Variants in CPHXL observed in about 807,000 individuals in gnomAD.
The protein encoded by CPHXL is cytoplasmic polyadenylated homeobox like.
intron 1 of CPHXL, among the ~76,000 whole-genome samples, chr16:75,719,312 T>C (rs1194835359): frequency 6.6e-6 from 1 of 152,146 alleles, no homozygotes; most frequent in Admixed American, 6.5e-5. Context: ...AGGCATCGCC[T>C]CACTTGGGAA....
chr16:75,723,058 T>C (rs1278797779), intron 1 of CPHXL, among the ~76,000 whole-genome samples: 1 of 152,212 alleles, frequency 6.6e-6, no homozygotes, highest in Non-Finnish European at 1.5e-5. Context: ...CACTCCTTCA[T>C]GCTAAAAACT....
intron 1 of CPHXL, among the ~76,000 whole-genome samples, chr16:75,719,757 G>A (rs768431048): frequency 2.0e-5 from 3 of 152,010 alleles, no homozygotes; most frequent in Non-Finnish European, 4.4e-5. Flanking sequence ...AGAGAGTAGC[G>A]GTTCTCCCAG....
At chr16:75,716,686 T>C (rs771695441) in intron 2 of CPHXL, among the ~76,000 whole-genome samples, 122 of 152,284 alleles carry the variant, frequency 8.0e-4, no homozygotes, top group Non-Finnish European at 1.6e-3. Flanking sequence ...CCATTGGCTA[T>C]TGGTGATCAA....
At chr16:75,716,734 G>C (rs1013989075) in intron 2 of CPHXL, among the ~76,000 whole-genome samples, 2 of 152,170 alleles carry the variant, frequency 1.3e-5, no homozygotes, top group Non-Finnish European at 2.9e-5. Context: ...AGAAGTTGGA[G>C]GGTGGGGTTG....
At chr16:75,724,184 T>C (rs2151840355) in intron 1 of CPHXL, among the ~76,000 whole-genome samples, 1 of 152,270 alleles carries the variant, frequency 6.6e-6, no homozygotes, top group East Asian at 1.9e-4. Context: ...GAAGAAAACC[T>C]AGGCAATACC....
At chr16:75,722,813 A>G (rs1358192953) in intron 1 of CPHXL, among the ~76,000 whole-genome samples, 1 of 152,212 alleles carries the variant, frequency 6.6e-6, no homozygotes, top group East Asian at 1.9e-4. Context: ...AGAATTTTAG[A>G]CCAATATCCC....
chr16:75,718,199 T>C (rs183643218), intron 2 of CPHXL, 66 bp downstream of exon 2: 33 of 396,974 alleles, frequency 8.3e-5, no homozygotes, highest in East Asian at 7.1e-4. Flanking sequence ...GCCTGTGTGA[T>C]AGGAGTGAGA....
At chr16:75,725,475 C>A (rs1365870607) in intron 1 of CPHXL, among the ~76,000 whole-genome samples, 1 of 145,300 alleles carries the variant, frequency 6.9e-6, no homozygotes, top group Non-Finnish European at 1.5e-5. Flanking sequence ...TTTTTTGAGA[C>A]GGACTCTCGC....
chr16:75,720,641 A>G (rs1312499097), intron 1 of CPHXL, among the ~76,000 whole-genome samples: 1 of 152,228 alleles, frequency 6.6e-6, no homozygotes, highest in Non-Finnish European at 1.5e-5. Context: ...TGGACCTGAA[A>G]GTCACAGAGA....
At chr16:75,720,207 C>T (rs1442108815) in intron 1 of CPHXL, among the ~76,000 whole-genome samples, 3 of 152,192 alleles carry the variant, frequency 2.0e-5, no homozygotes, top group Non-Finnish European at 4.4e-5. Flanking sequence ...TCTCCTCCTC[C>T]AAAGGAACGC....
chr16:75,725,079 A>T (rs1959535225), intron 1 of CPHXL, among the ~76,000 whole-genome samples: 1 of 150,938 alleles, frequency 6.6e-6, no homozygotes, highest in Non-Finnish European at 1.5e-5. Flanking sequence ...GAACAGTGAG[A>T]ACACATGGAC....
chr16:75,720,758 C>T (rs1959465904), intron 1 of CPHXL, among the ~76,000 whole-genome samples: 1 of 151,958 alleles, frequency 6.6e-6, no homozygotes, highest in African/African-American at 2.4e-5. Context: ...GAGAACACCA[C>T]AAAGATACTC....
intron 2 of CPHXL, among the ~76,000 whole-genome samples, chr16:75,716,830 T>G (rs1027938189): frequency 6.6e-6 from 1 of 152,210 alleles, no homozygotes; most frequent in Non-Finnish European, 1.5e-5. Context: ...AGTCAGTTCA[T>G]TAGTAGACAA....
chr16:75,722,491 A>G (rs1860674598), intron 1 of CPHXL, among the ~76,000 whole-genome samples: 1 of 152,206 alleles, frequency 6.6e-6, no homozygotes, highest in Non-Finnish European at 1.5e-5. Context: ...TACACAAGTA[A>G]ACTAGAAAAT....
intron 1 of CPHXL, among the ~76,000 whole-genome samples, chr16:75,725,165 G>A (rs909157134): frequency 2.6e-5 from 4 of 151,884 alleles, no homozygotes; most frequent in African/African-American, 4.8e-5. Context: ...TAGGAGATGT[G>A]CCTAATGTTA....
intron 1 of CPHXL, among the ~76,000 whole-genome samples, chr16:75,724,304 C>A (rs1408402080): frequency 2.6e-5 from 4 of 152,104 alleles, no homozygotes; most frequent in African/African-American, 9.7e-5. Flanking sequence ...AGCTTCTGCA[C>A]AGTAAAAGGA....
intron 2 of CPHXL, among the ~76,000 whole-genome samples, chr16:75,717,645 A>G (rs1042257425): frequency 6.6e-6 from 1 of 151,750 alleles, no homozygotes; most frequent in African/African-American, 2.4e-5. Flanking sequence ...CTCCTCTCAC[A>G]TTTTTTTTGA....
At chr16:75,722,640 C>A (rs1959494290) in intron 1 of CPHXL, among the ~76,000 whole-genome samples, 1 of 152,158 alleles carries the variant, frequency 6.6e-6, no homozygotes, top group Admixed American at 6.5e-5. Flanking sequence ...AGTCCAGGAC[C>A]AGACGGATTC....
intron 1 of CPHXL, among the ~76,000 whole-genome samples, chr16:75,720,312 A>C (rs1345915592): frequency 6.6e-6 from 1 of 152,188 alleles, no homozygotes; most frequent in Non-Finnish European, 1.5e-5. Flanking sequence ...TCCGAGCTAA[A>C]GGAGGAAGTT....
Sources: allele counts gnomAD v4.1 joint callset (sites outside exome capture counted in the v4.1 genomes callset), GRCh38; gene constraint gnomAD v4.1.1; transcripts MANE v1.5; gene names NCBI Gene and HGNC (gene_info 2026-07-23, HGNC 2026-07-21).